LYPLA1: variants seen among roughly 807,000 people sequenced by gnomAD.
The protein encoded by LYPLA1 is lysophospholipase 1.
A neutral mutation model predicts 34.0 loss-of-function variants in LYPLA1; 17 were observed. The observed-to-expected ratio is 0.50, with a 90% confidence interval of 0.34 to 0.75. LYPLA1 has a LOEUF of 0.75. Among genes scored for constraint, LYPLA1 ranks in the 30% least tolerant of loss-of-function variants. The pLI is 0.01. For missense variants in LYPLA1, 203 were observed against 288.8 expected, an observed-to-expected ratio of 0.70 and a Z score of 2.15; for synonymous variants, 98 against 100.8, an observed-to-expected ratio of 0.97 and a Z score of 0.17.
intron 5 of LYPLA1, among the ~76,000 whole-genome samples, chr8:54,056,402 A>G (rs1249900281): frequency 2.0e-5 from 3 of 152,214 alleles, no homozygotes; most frequent in African/African-American, 7.2e-5. Flanking sequence ...TTCTTGAGAA[A>G]TACCCCACAA....
chr8:54,067,037 T>G (rs922379791), intron 2 of LYPLA1, among the ~76,000 whole-genome samples: 3 of 151,066 alleles, frequency 2.0e-5, no homozygotes. Context: ...GGCGTTTTTG[T>G]GCATTGCCTG....
intron 2 of LYPLA1, among the ~76,000 whole-genome samples, chr8:54,089,913 A>G (rs1277197245): frequency 2.0e-5 from 3 of 152,228 alleles, no homozygotes; most frequent in Admixed American, 6.5e-5. Context: ...CTACGGAATA[A>G]AAGATGAAAT....
chr8:54,101,182 T>C lies in LYPLA1; in HGVS notation c.70-243A>G, dbSNP rs533906797. Among the ~76,000 whole-genome samples, 26 of 151,882 alleles carry C rather than the reference T, an allele frequency of 1.7e-4. No individual in the cohort carries two copies. In the South Asian group the frequency reaches 3.3e-3, roughly 19 times the overall value. ...AGCACTGAGAGGTCCCAGTTAGACA[T>C]TGAGTGCAAATGATCACATTCTAAG... On this transcript the variant is annotated intron_variant, in intron 1 of 8. Coordinates refer to ENST00000316963, the MANE Select transcript of LYPLA1 (RefSeq NM_006330.4).
chr8:54,098,239 C>G (rs1809839022), intron 2 of LYPLA1, among the ~76,000 whole-genome samples: 1 of 149,368 alleles, frequency 6.7e-6, no homozygotes, highest in Admixed American at 6.6e-5. Context: ...AAAAGCAAAA[C>G]AATACCAAAA....
At chr8:54,050,977 A>G (rs757882073) in intron 8 of LYPLA1, 35 bp downstream of exon 8, 2 of 1,517,692 alleles carry the variant, frequency 1.3e-6, no homozygotes, top group Non-Finnish European at 1.8e-6. Context: ...AAAAAGTTAC[A>G]AATATGGCGC....
At chr8:54,051,210 A>G in intron 7 of LYPLA1, 22 bp from the exon 8 acceptor site, 1 of 1,574,082 alleles carries the variant, frequency 6.4e-7, no homozygotes, top group Admixed American at 1.9e-5. Context: ...AAAAGAAGAA[A>G]TAGTTTTATT....
At position 54,047,209 on chromosome 8, in the gene LYPLA1, T is replaced by A. The variant is rs1326375515; in HGVS notation, c.*856A>T. 6.6e-6 allele frequency: 1 copy of A among 152,180 alleles called. No homozygotes were observed. The highest frequency in any genetic ancestry group is 1.5e-5 in the Non-Finnish European group (1 of 67,978). 9.4% of individuals were successfully genotyped at this position (152,180 alleles called of 1,614,324 possible). A position where few individuals can be genotyped will look rare whatever the true frequency, so the allele number is the denominator to read the frequency against. On this transcript the variant is annotated 3_prime_UTR_variant, in exon 9 of 9. Transcript: ENST00000316963. ...CCTAATAGCTAGGTGTAAATTTGGATAAGGTACAGTAATTCGAAATAAGTA... is the reference window on the plus strand; with the variant it reads ...CCTAATAGCTAGGTGTAAATTTGGAAAAGGTACAGTAATTCGAAATAAGTA...
At chr8:54,065,669 CT>C in intron 3 of LYPLA1, 78 bp downstream of exon 3, 1 of 1,031,300 alleles carries the variant, frequency 9.7e-7, no homozygotes, top group Non-Finnish European at 1.5e-6. Context: ...TATTCAAATA[CT>C]TTTCTGGAAG....
Position 54,073,288 on chromosome 8 carries a change from T to C in LYPLA1, c.102-7475A>G, listed in dbSNP as rs911661103. The stretch of plus-strand genomic sequence containing the variant: ...GGGAACCTGCATGCTGGGGTCCTTC[T>C]GTGCCTGCCCCCTCTCCTTCTATGG... On this transcript the variant is annotated intron_variant, in intron 2 of 8. Coordinates refer to ENST00000316963, the MANE Select transcript of LYPLA1 (RefSeq NM_006330.4). 3 of 894,804 alleles carry C rather than the reference T, an allele frequency of 3.4e-6. No homozygotes were observed. The African/African-American group carries it at 4.9e-5, about 15-fold the overall frequency. The allele number at this position is 894,804 out of a possible 1,614,324, so 55.4% of individuals were successfully genotyped here.
At chr8:54,054,828 G>A in intron 6 of LYPLA1, 1 of 418,874 alleles carries the variant, frequency 2.4e-6, no homozygotes. Flanking sequence ...TAATTAAAAG[G>A]ATAAACTGTG....
At chr8:54,045,018 C>T (rs1158658456), downstream of LYPLA1, 2 of 152,242 alleles carry the variant, frequency 1.3e-5, no homozygotes, top group South Asian at 2.1e-4. Flanking sequence ...CACTGGGGCA[C>T]AGAGCAAGGT....
chr8:54,075,431 G>GC (rs1807816603), intron 2 of LYPLA1, among the ~76,000 whole-genome samples: 1 of 152,162 alleles, frequency 6.6e-6, no homozygotes, highest in Non-Finnish European at 1.5e-5. Flanking sequence ...CATCCCGAGG[G>GC]CCCCCTGATT....
intron 5 of LYPLA1, among the ~76,000 whole-genome samples, chr8:54,058,710 AG>A (rs1333634030): frequency 2.0e-5 from 3 of 151,044 alleles, no homozygotes; most frequent in African/African-American, 7.3e-5. Flanking sequence ...CAAGCAGCTG[AG>A]GGGGCCACAG....
chr8:54,079,088 G>A (rs1184056681), intron 2 of LYPLA1, among the ~76,000 whole-genome samples: 3 of 151,948 alleles, frequency 2.0e-5, no homozygotes, highest in African/African-American at 4.8e-5. Flanking sequence ...AGCAATTCTC[G>A]TGCCTTAGCC....
intron 2 of LYPLA1, among the ~76,000 whole-genome samples, chr8:54,081,231 G>T (rs1458369121): frequency 4.6e-5 from 7 of 151,982 alleles, no homozygotes; most frequent in Non-Finnish European, 8.8e-5. Context: ...TTGTGGCTCT[G>T]CCCCTATTTG....
At chr8:54,056,830 T>C (rs1381053738) in intron 5 of LYPLA1, among the ~76,000 whole-genome samples, 1 of 152,170 alleles carries the variant, frequency 6.6e-6, no homozygotes, top group East Asian at 1.9e-4. Flanking sequence ...GGAGAATCAC[T>C]TGAACTCGGG....
At chr8:54,098,907 C>G (rs905013007) in intron 2 of LYPLA1, among the ~76,000 whole-genome samples, 6 of 151,282 alleles carry the variant, frequency 4.0e-5, no homozygotes, top group Non-Finnish European at 8.8e-5. Flanking sequence ...TGGAACCAAT[C>G]TAGAGTCAGC....
chr8:54,087,618 T>A (rs1423934098), intron 2 of LYPLA1, among the ~76,000 whole-genome samples: 1 of 152,236 alleles, frequency 6.6e-6, no homozygotes, highest in Non-Finnish European at 1.5e-5. Flanking sequence ...AAATAATGTA[T>A]CTGATAGGAG....
intron 5 of LYPLA1, among the ~76,000 whole-genome samples, chr8:54,058,901 A>G (rs891448435): frequency 6.6e-6 from 1 of 152,110 alleles, no homozygotes; most frequent in African/African-American, 2.4e-5. Flanking sequence ...TAAGGGCACT[A>G]TGTACCCCCA....
Sources: gnomAD v4.1 joint callset for allele counts (sites outside exome capture counted in the v4.1 genomes callset) on GRCh38, gnomAD v4.1.1 for gene constraint, MANE v1.5 for transcripts, NCBI Gene and HGNC (gene_info 2026-07-23, HGNC 2026-07-21) for gene names.